The following KCNMB2 variants were observed in gnomAD, a reference collection of about 807,000 sequenced individuals.
KCNMB2 encodes the protein potassium calcium-activated channel subfamily M regulatory beta subunit 2.
KCNMB2 carries 9 observed loss-of-function variants against 24.5 expected under a neutral mutation model. The observed-to-expected ratio is 0.37, with a 90% confidence interval of 0.22 to 0.64. The LOEUF (loss-of-function observed/expected upper bound fraction) is 0.64. Ranked by LOEUF, KCNMB2 falls within the 30% of genes least tolerant of loss-of-function variation. The pLI is 0.63. For missense variants in KCNMB2, 226 were observed against 284.3 expected (o/e 0.79, Z 1.47); for synonymous variants, 109 against 104.4 (o/e 1.04, Z -0.27).
intron 1 of KCNMB2, among the ~76,000 whole-genome samples, chr3:178,580,871 CACAA>C (rs1717173373): frequency 6.6e-6 from 1 of 152,050 alleles, no homozygotes; most frequent in African/African-American, 2.4e-5. Flanking sequence ...TAAGAGAGGA[CACAA>C]ACAAATAGAA....
At chr3:178,707,884 C>T (rs934882868) in intron 1 of KCNMB2, among the ~76,000 whole-genome samples, 4 of 152,114 alleles carry the variant, frequency 2.6e-5, no homozygotes, top group Non-Finnish European at 5.9e-5. Flanking sequence ...TTGTCTGGAC[C>T]TTCCCACCAG....
At position 178,843,606 on chromosome 3, in the gene KCNMB2, C is replaced by G. The variant is rs1161105657; in HGVS notation, c.*669C>G. The G allele has an allele frequency of 6.0e-6, 1 of 165,964 alleles. No individual in the cohort carries two copies. The allele number at this position is 165,964 out of a possible 1,614,324, so 10.3% of individuals were successfully genotyped here. A position where few individuals can be genotyped will look rare whatever the true frequency, so the allele number is the denominator to read the frequency against. The stretch of plus-strand genomic sequence containing the variant: ...GATTTATGTAGAAAATGAACACACC[C>G]CTTTTCCATTTAAGACCCTGCTACT... On this transcript the variant is annotated 3_prime_UTR_variant, in exon 5 of 5. Transcript: ENST00000452583.
At chr3:178,833,566 C>CT (rs1715119945) in intron 4 of KCNMB2, among the ~76,000 whole-genome samples, 1 of 152,138 alleles carries the variant, frequency 6.6e-6, no homozygotes, top group Non-Finnish European at 1.5e-5. Flanking sequence ...GTCAACTCCC[C>CT]TTCCTGTTAT....
chr3:178,637,123 C>T (rs750386551), intron 1 of KCNMB2, among the ~76,000 whole-genome samples: 1 of 152,040 alleles, frequency 6.6e-6, no homozygotes, highest in South Asian at 2.1e-4. Flanking sequence ...ATTTAGGCTG[C>T]TTCCATGCCT....
At chr3:178,607,280 C>T (rs936086384) in intron 1 of KCNMB2, among the ~76,000 whole-genome samples, 8 of 152,118 alleles carry the variant, frequency 5.3e-5, no homozygotes, top group Admixed American at 2.0e-4. Flanking sequence ...GATATTTTGA[C>T]GGAGCCCTAA....
At chr3:178,815,954 TGAAA>T (rs1425245548) in intron 2 of KCNMB2, among the ~76,000 whole-genome samples, 21 of 152,040 alleles carry the variant, frequency 1.4e-4, no homozygotes, top group African/African-American at 4.8e-4. Flanking sequence ...TTTATGTTTG[TGAAA>T]GATATTGACC....
chr3:178,583,984 A>G (rs1041733807), intron 1 of KCNMB2, among the ~76,000 whole-genome samples: 3 of 152,210 alleles, frequency 2.0e-5, no homozygotes, highest in African/African-American at 7.2e-5. Flanking sequence ...AGGAAAACTT[A>G]GGTTGAAATC....
At chr3:178,784,874 TAAAAA>T (rs67483966) in intron 1 of KCNMB2, among the ~76,000 whole-genome samples, 9 of 121,380 alleles carry the variant, frequency 7.4e-5, no homozygotes, top group African/African-American at 1.9e-4. Context: ...CCTGAAGCCT[TAAAAA>T]AAAAAAAAAA....
chr3:178,837,403 C>A (rs1257416191), intron 4 of KCNMB2, among the ~76,000 whole-genome samples: 3 of 152,142 alleles, frequency 2.0e-5, no homozygotes, highest in African/African-American at 7.2e-5. Flanking sequence ...AACTTGCCTA[C>A]AGTCACACAG....
At chr3:178,730,301 A>G (rs977728971) in intron 1 of KCNMB2, among the ~76,000 whole-genome samples, 1 of 152,090 alleles carries the variant, frequency 6.6e-6, no homozygotes, top group African/African-American at 2.4e-5. Flanking sequence ...AACCTACTAG[A>G]TATTTACGGT....
intron 1 of KCNMB2, among the ~76,000 whole-genome samples, chr3:178,652,820 G>A (rs142609035): frequency 6.7e-6 from 1 of 148,692 alleles, no homozygotes; most frequent in Non-Finnish European, 1.5e-5. Context: ...GTGCCACCAC[G>A]CCTGGCCATT....
chr3:178,809,090 T>C (rs1714088580), intron 2 of KCNMB2, among the ~76,000 whole-genome samples: 1 of 152,220 alleles, frequency 6.6e-6, no homozygotes, highest in Admixed American at 6.5e-5. Flanking sequence ...TGAATCATCT[T>C]TCAGCAAGAT....
chr3:178,611,691 C>T (rs548928136), intron 1 of KCNMB2, among the ~76,000 whole-genome samples: 5 of 151,970 alleles, frequency 3.3e-5, no homozygotes, highest in African/African-American at 4.8e-5. Context: ...GGAGACAGAG[C>T]GAGACTCTGT....
chr3:178,775,455 C>T (rs1380726245), intron 1 of KCNMB2, among the ~76,000 whole-genome samples: 1 of 152,158 alleles, frequency 6.6e-6, no homozygotes, highest in African/African-American at 2.4e-5. Flanking sequence ...AATGACCTAA[C>T]ACTTATATTC....
intron 1 of KCNMB2, among the ~76,000 whole-genome samples, chr3:178,641,526 C>T (rs1264975728): frequency 2.0e-5 from 3 of 151,978 alleles, no homozygotes; most frequent in Non-Finnish European, 2.9e-5. Flanking sequence ...ACCTTTTGTT[C>T]GGGGACCTTG....
intron 1 of KCNMB2, among the ~76,000 whole-genome samples, chr3:178,540,695 T>C (rs1715588543): frequency 1.3e-5 from 2 of 149,896 alleles, no homozygotes; most frequent in African/African-American, 2.5e-5. Flanking sequence ...AGTTCTTTAC[T>C]TTTTTTCAGG....
At chr3:178,541,130 T>TA (rs1292751130) in intron 1 of KCNMB2, among the ~76,000 whole-genome samples, 1 of 152,104 alleles carries the variant, frequency 6.6e-6, no homozygotes, top group East Asian at 1.9e-4. Context: ...TCAAGAAAGT[T>TA]AAGGAAATTT....
intron 1 of KCNMB2, among the ~76,000 whole-genome samples, chr3:178,584,571 GTTA>G (rs1334761335): frequency 2.6e-5 from 4 of 152,188 alleles, no homozygotes; most frequent in Admixed American, 2.6e-4. Context: ...CATTATTGTT[GTTA>G]TTATGTTATT....
intron 1 of KCNMB2, among the ~76,000 whole-genome samples, chr3:178,620,907 A>G (rs1273006502): frequency 6.6e-6 from 1 of 152,248 alleles, no homozygotes; most frequent in Non-Finnish European, 1.5e-5. Flanking sequence ...AGTTTTGGGT[A>G]TGTAAAGGAA....
Sources: gnomAD v4.1 joint callset for allele counts (sites outside exome capture counted in the v4.1 genomes callset) on GRCh38, gnomAD v4.1.1 for gene constraint, MANE v1.5 for transcripts, NCBI Gene and HGNC (gene_info 2026-07-23, HGNC 2026-07-21) for gene names.